WDR36: variants seen among roughly 807,000 people sequenced by gnomAD.
WDR36 encodes WD repeat domain 36, also known as WD repeat-containing protein 36.
A neutral mutation model predicts 112.7 loss-of-function variants in WDR36; 63 were observed. The observed-to-expected ratio is 0.56, with a 90% confidence interval of 0.46 to 0.69. The LOEUF (loss-of-function observed/expected upper bound fraction) is 0.69, where lower values mean the gene tolerates loss of function less well. Among genes scored for constraint, WDR36 ranks in the 30% least tolerant of loss-of-function variants. The pLI is 0.00. For missense variants in WDR36, 1,226 were observed against 1,070.3 expected (o/e 1.15, Z -2.03); for synonymous variants, 410 against 362.2 (o/e 1.13, Z -1.50).
Position 111,111,260 on chromosome 5 carries a change from A to G in WDR36, c.1698A>G (p.Gln566=), listed in dbSNP as rs757417268. Reference sequence around the variant, plus strand: ...TTGTCAGAGAGTTTTCTGGACACCAAGGCCAAATAAATGACATGGTAAAAC... The same window carrying G: ...TTGTCAGAGAGTTTTCTGGACACCAGGGCCAAATAAATGACATGGTAAAAC... ...RKIVREFSGH[Q]GQINDMAFSP... The change falls in exon 15 of 23, where the codon CAA becomes CAG. Residue 566 remains glutamine, a synonymous_variant. Transcript: ENST00000513710. 2.5e-6 allele frequency: 4 copies of G among 1,611,340 alleles called. No homozygotes were observed. In the Admixed American group the frequency reaches 6.7e-5, roughly 27 times the overall value.
At chr5:111,111,767 T>C (rs1204370070) in intron 15 of WDR36, among the ~76,000 whole-genome samples, 1 of 151,866 alleles carries the variant, frequency 6.6e-6, no homozygotes, top group Non-Finnish European at 1.5e-5. Context: ...ATTATGTTCT[T>C]ATAATGGGAT....
chr5:111,118,777 C>A (rs779534890), intron 16 of WDR36, among the ~76,000 whole-genome samples: 1 of 152,094 alleles, frequency 6.6e-6, no homozygotes, highest in Admixed American at 6.6e-5. Context: ...AACTGCTTCT[C>A]CAGTTAGTCA....
chr5:111,099,463 GTTTTTTTTTTTTT>G (rs67437234), intron 4 of WDR36, among the ~76,000 whole-genome samples: 3 of 84,970 alleles, frequency 3.5e-5, no homozygotes, highest in Admixed American at 1.2e-4. Flanking sequence ...TTTTTTTTTT[GTTTTTTTTTTTTT>G]TTTTTTTTCA....
chr5:111,099,619 A>C (rs896778415), intron 4 of WDR36, among the ~76,000 whole-genome samples: 6 of 152,018 alleles, frequency 3.9e-5, no homozygotes, highest in Admixed American at 1.3e-4. Context: ...CTGTGCAGAT[A>C]GAAGTTAAAA....
At chr5:111,093,018 C>A (rs1008649418) in intron 1 of WDR36, among the ~76,000 whole-genome samples, 2 of 152,218 alleles carry the variant, frequency 1.3e-5, no homozygotes, top group Non-Finnish European at 2.9e-5. Context: ...GAAATTCACT[C>A]TAGGTAGAAT....
At chr5:111,096,744 G>A (rs989683751) in intron 2 of WDR36, among the ~76,000 whole-genome samples, 2 of 151,792 alleles carry the variant, frequency 1.3e-5, no homozygotes, top group Non-Finnish European at 2.9e-5. Context: ...CGTGAAGACT[G>A]GATGACTATC....
At chr5:111,097,017 C>A in intron 2 of WDR36, 62 bp from the exon 3 acceptor site, 4 of 1,160,794 alleles carry the variant, frequency 3.4e-6, no homozygotes, top group African/African-American at 1.5e-5. Context: ...TATATGTATA[C>A]TTGAGGTTTC....
At chr5:111,097,743 C>G (rs1290765752) in intron 3 of WDR36, among the ~76,000 whole-genome samples, 1 of 152,150 alleles carries the variant, frequency 6.6e-6, no homozygotes, top group Non-Finnish European at 1.5e-5. Context: ...TGAGAAGTGA[C>G]CTGGCCTTAA....
intron 1 of WDR36, among the ~76,000 whole-genome samples, chr5:111,093,143 G>A (rs1306796664): frequency 6.6e-6 from 1 of 152,184 alleles, no homozygotes; most frequent in Non-Finnish European, 1.5e-5. Flanking sequence ...AAGCCTTGCA[G>A]CCGTTTCTTT....
In WDR36 at chr5:111,129,108, C is replaced by A. The variant is rs1344471175; in HGVS notation, c.*2225C>A. 1 of 198,606 alleles carries A rather than the reference C, an allele frequency of 5.0e-6. No homozygotes were observed. Among genetic ancestry groups the A allele is most frequent in the Admixed American group, 6.0e-5 (1 of 16,558 alleles). The allele number at this position is 198,606 out of a possible 1,614,324, so 12.3% of individuals were successfully genotyped here. On this transcript the variant is annotated 3_prime_UTR_variant, in exon 23 of 23. Transcript: ENST00000513710. The stretch of plus-strand genomic sequence containing the variant: ...TGGTACATTCACATTTACCTAATCT[C>A]TTGTGCACTGTCCAACAGTACTTTG...
chr5:111,123,659 A>C, intron 19 of WDR36, 146 bp from the exon 20 acceptor site: 9 of 1,106,168 alleles, frequency 8.1e-6, no homozygotes, highest in African/African-American at 1.6e-5. Flanking sequence ...ATTGGTCAGA[A>C]GAGATCATAT....
At chr5:111,095,170 T>C in intron 2 of WDR36, 1 of 522,448 alleles carries the variant, frequency 1.9e-6, no homozygotes, top group Non-Finnish European at 3.4e-6. Flanking sequence ...TAGACTTTCT[T>C]TGTGCTTCAT....
chr5:111,114,834 T>G (rs1753423191), intron 16 of WDR36, among the ~76,000 whole-genome samples: 1 of 151,988 alleles, frequency 6.6e-6, no homozygotes, highest in Non-Finnish European at 1.5e-5. Context: ...GTTGGCATAG[T>G]GCCTTTTTCA....
intron 1 of WDR36, among the ~76,000 whole-genome samples, chr5:111,094,384 T>C (rs1442677853): frequency 1.3e-5 from 2 of 152,224 alleles, no homozygotes; most frequent in Non-Finnish European, 2.9e-5. Flanking sequence ...GTAGCCATGA[T>C]TGGGGTCAGC....
Position 111,128,719 on chromosome 5 carries a change from T to C in WDR36, c.*1836T>C, listed in dbSNP as rs886059777. 2.2e-5 allele frequency: 4 copies of C among 182,652 alleles called. No individual in the cohort carries two copies. The Admixed American group carries it at 2.5e-4, about 11-fold the overall frequency. The allele number at this position is 182,652 out of a possible 1,614,324, so 11.3% of individuals were successfully genotyped here. Reference sequence around the variant, plus strand: ...GAATACATCATTTTGGCAGGTAATCTTCTAGAACCTTTCATGTACTGTTTC... The same window carrying C: ...GAATACATCATTTTGGCAGGTAATCCTCTAGAACCTTTCATGTACTGTTTC... On this transcript the variant is annotated 3_prime_UTR_variant, in exon 23 of 23. Transcript: ENST00000513710.
intron 11 of WDR36, 107 bp from the exon 12 acceptor site, chr5:111,107,187 T>C: frequency 4.0e-5 from 52 of 1,294,372 alleles, no homozygotes; most frequent in Non-Finnish European, 5.6e-5. Context: ...ATTACCTGTT[T>C]GTTTTACCAT....
intron 1 of WDR36, among the ~76,000 whole-genome samples, chr5:111,093,216 A>C (rs1470822089): frequency 6.6e-6 from 1 of 152,188 alleles, no homozygotes; most frequent in Non-Finnish European, 1.5e-5. Context: ...ATTTCAGATA[A>C]ATCACTTGTT....
At chr5:111,094,130 C>T (rs1210444040) in intron 1 of WDR36, among the ~76,000 whole-genome samples, 2 of 152,168 alleles carry the variant, frequency 1.3e-5, no homozygotes, top group African/African-American at 2.4e-5. Flanking sequence ...GTCAGACTTC[C>T]TACAGTCCTA....
intron 4 of WDR36, among the ~76,000 whole-genome samples, chr5:111,099,845 T>C (rs1047526129): frequency 6.6e-5 from 10 of 152,086 alleles, no homozygotes; most frequent in Non-Finnish European, 1.3e-4. Context: ...CCAGATAGTA[T>C]GTGAACCTAA....
Sources: allele counts gnomAD v4.1 joint callset (sites outside exome capture counted in the v4.1 genomes callset), GRCh38; gene constraint gnomAD v4.1.1; transcripts MANE v1.5; gene names NCBI Gene and HGNC (gene_info 2026-07-23, HGNC 2026-07-21).